PLOD1: variants seen among roughly 807,000 people sequenced by gnomAD.
PLOD1 encodes lysine hydroxylase.
Under a neutral mutation model 94.7 loss-of-function variants are expected in PLOD1, and 70 were observed. That is an observed-to-expected ratio of 0.74 (90% confidence interval 0.61 to 0.90). PLOD1 has a LOEUF of 0.90. Among genes scored for constraint, PLOD1 ranks in the 40% least tolerant of loss-of-function variants. PLOD1 has a pLI of 0.00. For synonymous variants in PLOD1, 417 were observed against 400.2 expected (o/e 1.04, Z -0.50); for missense variants, 905 against 972.7 (o/e 0.93, Z 0.93).
At chr1:11,945,190 T>C (rs1569676429) in intron 1 of PLOD1, among the ~76,000 whole-genome samples, 1 of 151,852 alleles carries the variant, frequency 6.6e-6, no homozygotes, top group Non-Finnish European at 1.5e-5. Flanking sequence ...GAGGCCAAGG[T>C]GCGCAGATTG....
At chr1:11,968,557 A>G (rs1268213340) in intron 16 of PLOD1, among the ~76,000 whole-genome samples, 1 of 146,470 alleles carries the variant, frequency 6.8e-6, no homozygotes, top group Non-Finnish European at 1.5e-5. Context: ...TGTGTCGCCC[A>G]GGCTGGAGTG....
intron 6 of PLOD1, among the ~76,000 whole-genome samples, chr1:11,955,571 G>T (rs1444739665): frequency 6.6e-6 from 1 of 152,122 alleles, no homozygotes; most frequent in Non-Finnish European, 1.5e-5. Context: ...GTTTCTGGGG[G>T]TTAAGAAGCA....
intron 15 of PLOD1, 42 bp downstream of exon 15, chr1:11,966,358 G>T (rs746375820): frequency 1.4e-6 from 2 of 1,439,574 alleles, no homozygotes; most frequent in Non-Finnish European, 1.9e-6. Flanking sequence ...CTTGCCTGCT[G>T]CAGGGGGCAG....
In PLOD1 at chr1:11,960,705, G is replaced by A. The variant is rs777545904; in HGVS notation, c.1035G>A (p.Gln345=). 1 of 1,613,426 alleles carries A rather than the reference G, an allele frequency of 6.2e-7. No homozygotes were observed. Among genetic ancestry groups the A allele is most frequent in the East Asian group, 2.2e-5 (1 of 44,868 alleles). ...TGGCACAGCATGGCAGCGAGTACCAGTCTGTGAAGCTGGTGGGCCCTGAGG... is the reference window on the plus strand; with the variant it reads ...TGGCACAGCATGGCAGCGAGTACCAATCTGTGAAGCTGGTGGGCCCTGAGG... The part of the protein sequence containing the change: ...EFLAQHGSEY[Q]SVKLVGPEVR... The change falls in exon 10 of 19, where the codon CAG becomes CAA. Residue 345 remains glutamine, a synonymous_variant. Coordinates refer to ENST00000196061, the MANE Select transcript of PLOD1 (RefSeq NM_000302.4).
rs780952856 is a variant in PLOD1, at chr1:11,957,900, G to C, written c.800G>C (p.Cys267Ser). Residue 267 changes from cysteine (C) to serine (S), a missense_variant, in exon 8 of 19, where the codon TGC (cysteine) becomes TCC (serine). Transcript: ENST00000196061. This position sits in a 1 kb window ranked among gnomAD's most constrained non-coding sequence, Gnocchi z 4.1. ...IPRFWTFETG[C>S]TVCDEGLRSL... is the part of the protein sequence containing the mutation. ...CGCTTCTGGACCTTCGAAACAGGCT[G>C]CACCGTGTGTGACGAAGGCTTGCGC... is the stretch of plus-strand genomic sequence containing the variant. 1 of 1,614,048 alleles carries C rather than the reference G, an allele frequency of 6.2e-7. No individual in the cohort carries two copies. The highest frequency in any genetic ancestry group is 1.1e-5 in the South Asian group (1 of 91,084).
chr1:11,975,007 C>G lies in PLOD1; in HGVS notation c.*199C>G. ...GGAACACACCTTTATGGCTGGGGCTCTCCGTGGTGTTCTGGACCCAGCCCC... is the reference window on the plus strand; with the variant it reads ...GGAACACACCTTTATGGCTGGGGCTGTCCGTGGTGTTCTGGACCCAGCCCC... On this transcript the variant is annotated 3_prime_UTR_variant, in exon 19 of 19. Transcript: ENST00000196061. 1.5e-6 allele frequency: 1 copy of G among 658,592 alleles called. No individual in the cohort carries two copies. Among genetic ancestry groups the G allele is most frequent in the Non-Finnish European group, 2.7e-6 (1 of 365,464 alleles). 40.8% of individuals were successfully genotyped at this position (658,592 alleles called of 1,614,324 possible).
At chr1:11,973,324 A>G (rs907155734) in intron 18 of PLOD1, among the ~76,000 whole-genome samples, 1 of 152,046 alleles carries the variant, frequency 6.6e-6, no homozygotes, top group Non-Finnish European at 1.5e-5. Flanking sequence ...ACATGGCGAA[A>G]CCCCATTTCC....
Position 11,956,948 on chromosome 1 carries a change from T to C in PLOD1, c.675T>C (p.His225=). The change falls in exon 7 of 19, where the codon CAT becomes CAC. Residue 225 remains histidine (H), a synonymous_variant. Transcript: ENST00000196061. ...DEVVLKFEMG[H]VRARNLAYDT... ...TCGTGCTCAAGTTTGAAATGGGCCATGTGAGAGCGAGGAACCTGGCCTATG... is the reference window on the plus strand; with the variant it reads ...TCGTGCTCAAGTTTGAAATGGGCCACGTGAGAGCGAGGAACCTGGCCTATG... The C allele has an allele frequency of 1.2e-6, 2 of 1,613,732 alleles. No homozygotes were observed. Among genetic ancestry groups the C allele is most frequent in the Non-Finnish European group, 8.5e-7 (1 of 1,179,736 alleles).
intron 1 of PLOD1, among the ~76,000 whole-genome samples, chr1:11,939,846 G>C (rs923604072): frequency 3.9e-5 from 6 of 152,166 alleles, no homozygotes; most frequent in Admixed American, 1.3e-4. Flanking sequence ...GACCTCATGT[G>C]ATCCACCCGC....
At chr1:11,956,841 T>G in intron 6 of PLOD1, 76 bp from the exon 7 acceptor site, 1 of 922,074 alleles carries the variant, frequency 1.1e-6, no homozygotes. Flanking sequence ...CAGCTGGGAT[T>G]TGAGCCCAGC....
At position 11,957,171 on chromosome 1, in the gene PLOD1, T is replaced by C. The variant is rs779863979; in HGVS notation, c.741+157T>C. On this transcript the variant is annotated intron_variant, in intron 7 of 18. Coordinates refer to ENST00000196061, the MANE Select transcript of PLOD1 (RefSeq NM_000302.4). This position sits in a 1 kb window ranked among gnomAD's most constrained non-coding sequence, Gnocchi z 4.1. The stretch of plus-strand genomic sequence containing the variant: ...GTCCTCACATCTGAGCTCAGCGTGA[T>C]GCCTTCTTTTCCTGCTGTGGTGGTC... 2.6e-6 allele frequency: 2 copies of C among 766,844 alleles called. No homozygotes were observed. Among genetic ancestry groups the C allele is most frequent in the Non-Finnish European group, 4.9e-6 (2 of 410,286 alleles). 47.5% of individuals were successfully genotyped at this position (766,844 alleles called of 1,614,324 possible). A position where few individuals can be genotyped will look rare whatever the true frequency, so the allele number is the denominator to read the frequency against.
intron 1 of PLOD1, among the ~76,000 whole-genome samples, chr1:11,938,343 C>T (rs1209341184): frequency 1.3e-5 from 2 of 152,134 alleles, no homozygotes; most frequent in Non-Finnish European, 2.9e-5. Context: ...CTCTCATTGC[C>T]AGAGCTGGTT....
chr1:11,954,804 G>A (rs763284492), intron 5 of PLOD1, 26 bp from the exon 6 acceptor site: 2 of 1,585,462 alleles, frequency 1.3e-6, no homozygotes, highest in South Asian at 1.1e-5. Flanking sequence ...TGTCCCTGCT[G>A]CAGTCTGGTA....
Position 11,960,627 on chromosome 1 carries a change from TCCCCATCCCCAA to T in PLOD1, c.976-13_976-2del. ...CCTCCTCCTCACCCCCGCATCCCCTTCCCCATCCCCAACCCCAGGAGCAGCACCACAAGGCTC... is the reference window on the plus strand; with the variant it reads ...CCTCCTCCTCACCCCCGCATCCCCTTCCCCAGGAGCAGCACCACAAGGCTC... On this transcript the variant is annotated splice_region_variant and splice_polypyrimidine_tract_variant and intron_variant, in intron 9 of 18. Coordinates refer to ENST00000196061, the MANE Select transcript of PLOD1 (RefSeq NM_000302.4). 1 of 1,550,486 alleles carries T rather than the reference TCCCCATCCCCAA, an allele frequency of 6.4e-7. No individual in the cohort carries two copies. The highest frequency in any genetic ancestry group is 8.9e-7 in the Non-Finnish European group (1 of 1,124,850).
rs147924545 is a variant in PLOD1, at chr1:11,952,628, A to G, written c.472A>G (p.Ile158Val). ...CCCCACCCACCAACCTTCAGGCTTCATCGGTTATGCCCCCAACCTCAGCAA... is the reference window on the plus strand; with the variant it reads ...CCCCACCCACCAACCTTCAGGCTTCGTCGGTTATGCCCCCAACCTCAGCAA... Reference protein sequence around the residue: ...GKRFLGSGGFIGYAPNLSKLV... With the variant: ...GKRFLGSGGFVGYAPNLSKLV... The change falls in exon 5 of 19, where the codon ATC (isoleucine) becomes GTC (valine). Residue 158 changes from isoleucine to valine, a missense_variant. Coordinates refer to ENST00000196061, the MANE Select transcript of PLOD1 (RefSeq NM_000302.4). 2.2e-5 allele frequency: 35 copies of G among 1,613,550 alleles called. No individual in the cohort carries two copies. The African/African-American group carries it at 3.9e-4, about 18-fold the overall frequency.
At chr1:11,967,616 A>ATATATAT (rs35226154) in intron 16 of PLOD1, among the ~76,000 whole-genome samples, 1,662 of 74,846 alleles carry the variant, frequency 0.022, 147 homozygotes, top group African/African-American at 0.098. Flanking sequence ...TATATATATA[A>ATATATAT]AAAGAAATAT....
At chr1:11,942,087 A>G (rs535830658) in intron 1 of PLOD1, among the ~76,000 whole-genome samples, 3 of 151,186 alleles carry the variant, frequency 2.0e-5, no homozygotes, top group African/African-American at 7.3e-5. Flanking sequence ...GGTTCAAGCA[A>G]TTCTCGTGCC....
At chr1:11,967,654 ATATATTT>A (rs1370805891) in intron 16 of PLOD1, among the ~76,000 whole-genome samples, 3 of 113,952 alleles carry the variant, frequency 2.6e-5, no homozygotes, top group African/African-American at 9.4e-5. Flanking sequence ...ATATATATAT[ATATATTT>A]TTTTTAAATA....
intron 5 of PLOD1, chr1:11,954,440 C>A: frequency 2.2e-6 from 1 of 459,398 alleles, no homozygotes; most frequent in South Asian, 1.6e-5. Context: ...GAGTCGAGGT[C>A]GTGCCATTGC....
Sources: allele counts gnomAD v4.1 joint callset (sites outside exome capture counted in the v4.1 genomes callset), GRCh38; gene constraint gnomAD v4.1.1; non-coding constraint Gnocchi (gnomAD v3.1); transcripts MANE v1.5; gene names NCBI Gene and HGNC (gene_info 2026-07-23, HGNC 2026-07-21).